Variants in CPNE8 observed in about 807,000 individuals in gnomAD.
CPNE8 encodes copine-8.
Under a neutral mutation model 81.5 loss-of-function variants are expected in CPNE8, and 45 were observed. That is an observed-to-expected ratio of 0.55 (90% CI 0.44 to 0.71). The LOEUF is 0.71. Ranked by LOEUF, CPNE8 falls within the 30% of genes least tolerant of loss-of-function variation. The probability of loss-of-function intolerance (pLI) is 0.00; values close to 1 mark genes in which losing one functional copy is unlikely to be tolerated. For synonymous variants in CPNE8, 252 were observed against 226.3 expected (o/e 1.11, Z -1.02); for missense variants, 594 against 672.1 (o/e 0.88, Z 1.28).
chr12:38,902,391 AAG>A (rs60049794), intron 1 of CPNE8, among the ~76,000 whole-genome samples: 7,135 of 56,458 alleles, frequency 0.13, 457 homozygotes, highest in African/African-American at 0.15. Context: ...AAAAGAAAGA[AAG>A]AGAAAGAAAG....
chr12:38,771,646 A>C (rs907597181), intron 7 of CPNE8, among the ~76,000 whole-genome samples: 3 of 152,200 alleles, frequency 2.0e-5, no homozygotes, highest in South Asian at 2.1e-4. Context: ...TGACCTATAC[A>C]TCCCTTAAAT....
intron 10 of CPNE8, among the ~76,000 whole-genome samples, chr12:38,750,313 C>T (rs1419297745): frequency 6.6e-6 from 1 of 152,116 alleles, no homozygotes; most frequent in Non-Finnish European, 1.5e-5. Flanking sequence ...TCTGCTAGGA[C>T]AGTCCCTACT....
chr12:38,861,581 T>C (rs979353996), intron 3 of CPNE8, among the ~76,000 whole-genome samples: 4 of 152,276 alleles, frequency 2.6e-5, no homozygotes, highest in African/African-American at 9.6e-5. Flanking sequence ...CACTAGCCAT[T>C]CATGCAGAAT....
intron 1 of CPNE8, among the ~76,000 whole-genome samples, chr12:38,892,449 G>T (rs553482296): frequency 2.6e-5 from 4 of 152,202 alleles, no homozygotes; most frequent in Non-Finnish European, 5.9e-5. Flanking sequence ...TACTTCTTGA[G>T]CCAGAGTGGA....
At chr12:38,759,227 C>G (rs1238684606) in intron 10 of CPNE8, among the ~76,000 whole-genome samples, 1 of 152,162 alleles carries the variant, frequency 6.6e-6, no homozygotes, top group South Asian at 2.1e-4. Flanking sequence ...GTGAGCTGCA[C>G]TTTTTGTTTC....
At chr12:38,655,467 A>G (rs1938797222) in intron 19 of CPNE8, among the ~76,000 whole-genome samples, 1 of 152,210 alleles carries the variant, frequency 6.6e-6, no homozygotes, top group African/African-American at 2.4e-5. Flanking sequence ...GGCAAAGTGA[A>G]GACATTTTAA....
chr12:38,810,338 C>A (rs1381351595), intron 6 of CPNE8, among the ~76,000 whole-genome samples: 1 of 152,112 alleles, frequency 6.6e-6, no homozygotes, highest in Non-Finnish European at 1.5e-5. Context: ...CATATTCAGT[C>A]TTTTCAAAGA....
intron 10 of CPNE8, among the ~76,000 whole-genome samples, chr12:38,752,665 C>T (rs1387682248): frequency 1.3e-5 from 2 of 152,110 alleles, no homozygotes; most frequent in Non-Finnish European, 2.9e-5. Flanking sequence ...CATCAAATAT[C>T]AAGAAATATG....
intron 13 of CPNE8, chr12:38,720,874 C>T (rs1940545316): frequency 6.6e-6 from 1 of 152,356 alleles, no homozygotes; most frequent in Non-Finnish European, 1.5e-5. Context: ...CCTCCCAGGC[C>T]ACTCCTGCTC....
chr12:38,769,312 A>T (rs952594521), intron 7 of CPNE8, among the ~76,000 whole-genome samples: 9 of 152,228 alleles, frequency 5.9e-5, no homozygotes, highest in African/African-American at 2.2e-4. Context: ...ACGTATAGTG[A>T]CAATAGAGGT....
chr12:38,786,522 AC>A (rs1343251429), intron 6 of CPNE8, among the ~76,000 whole-genome samples: 1 of 152,128 alleles, frequency 6.6e-6, no homozygotes, highest in Non-Finnish European at 1.5e-5. Flanking sequence ...CAGTTTTGGA[AC>A]TTGGACTGGC....
chr12:38,877,058 T>A (rs1944078071), intron 1 of CPNE8, among the ~76,000 whole-genome samples: 1 of 152,234 alleles, frequency 6.6e-6, no homozygotes, highest in African/African-American at 2.4e-5. Flanking sequence ...CACAGCCCAG[T>A]ACAGAATAAT....
rs147958963 is a variant in CPNE8 at position 38,704,581 on chromosome 12, T to G, written c.915-1660A>C. 4.1e-3 allele frequency among the ~76,000 whole-genome samples: 626 copies of G among 152,068 alleles called. 3 individuals carry two copies. The highest frequency in any genetic ancestry group is 0.034 in the Middle Eastern group (10 of 294). Reference sequence around the variant, plus strand: ...GAGCTTACTCTAGCCTATTTTACTGTGTTCTGAACACTTCCATTAGCCTAT... The same window carrying G: ...GAGCTTACTCTAGCCTATTTTACTGGGTTCTGAACACTTCCATTAGCCTAT... On this transcript the variant is annotated intron_variant, in intron 13 of 19. Coordinates refer to ENST00000331366, the MANE Select transcript of CPNE8 (RefSeq NM_153634.3).
chr12:38,828,276 A>G (rs1187273768), intron 6 of CPNE8, among the ~76,000 whole-genome samples: 1 of 152,174 alleles, frequency 6.6e-6, no homozygotes, highest in Non-Finnish European at 1.5e-5. Flanking sequence ...ACTACTTACT[A>G]AAGTGAGCAT....
chr12:38,873,255 C>A (rs1421608302), intron 2 of CPNE8, among the ~76,000 whole-genome samples: 1 of 151,768 alleles, frequency 6.6e-6, no homozygotes, highest in Non-Finnish European at 1.5e-5. Context: ...ACTGTTATGC[C>A]AGATCTTTAG....
At chr12:38,817,588 C>T (rs1045228916) in intron 6 of CPNE8, among the ~76,000 whole-genome samples, 7 of 123,564 alleles carry the variant, frequency 5.7e-5, no homozygotes, top group South Asian at 2.8e-4. Flanking sequence ...TTTTAAATTT[C>T]GTTTAAAGTT....
chr12:38,906,358 A>C, upstream of CPNE8: 1 of 985,548 alleles, frequency 1.0e-6, no homozygotes, highest in Non-Finnish European at 1.2e-6. Context: ...AAGGTGGAAA[A>C]AACAATACTA....
At chr12:38,839,770 G>A in intron 5 of CPNE8, 146 bp downstream of exon 5, 2 of 709,418 alleles carry the variant, frequency 2.8e-6, no homozygotes, top group Non-Finnish European at 4.0e-6. Flanking sequence ...ATGTTTTTCT[G>A]GGGTTCTTTT....
At chr12:38,765,968 C>T (rs551161477) in intron 8 of CPNE8, among the ~76,000 whole-genome samples, 1 of 152,134 alleles carries the variant, frequency 6.6e-6, no homozygotes, top group African/African-American at 2.4e-5. Flanking sequence ...AAGCAATTCT[C>T]CTGCCTCAGC....
Sources: allele counts gnomAD v4.1 joint callset (sites outside exome capture counted in the v4.1 genomes callset), GRCh38; gene constraint gnomAD v4.1.1; transcripts MANE v1.5; gene names NCBI Gene and HGNC (gene_info 2026-07-23, HGNC 2026-07-21).